The following CA5B variants were observed in gnomAD, a reference collection of about 807,000 sequenced individuals.
CA5B encodes carbonic anhydrase 5B.
A neutral mutation model predicts 23.1 loss-of-function variants in CA5B; 15 were observed. That is an observed-to-expected ratio of 0.65 (90% confidence interval 0.43 to 1.00). The LOEUF is 1.00. Among genes scored for constraint, CA5B ranks in the 50% least tolerant of loss-of-function variants. The pLI is 0.00. For synonymous variants in CA5B, 84 were observed against 98.5 expected (o/e 0.85, Z 0.87); for missense variants, 236 against 252.2 (o/e 0.94, Z 0.43).
chrX:15,777,110 G>A (rs1028634091), intron 7 of CA5B, among the ~76,000 whole-genome samples: 3 of 112,110 alleles, frequency 2.7e-5, no homozygotes, highest in African/African-American at 9.7e-5. Context: ...AATTACATAT[G>A]TCTTCTTATG....
intron 2 of CA5B, among the ~76,000 whole-genome samples, chrX:15,757,811 G>A (rs1467690162): frequency 9.0e-6 from 1 of 111,269 alleles, no homozygotes. Flanking sequence ...AAAGTACATA[G>A]GAACACCAGA....
intron 7 of CA5B, among the ~76,000 whole-genome samples, chrX:15,779,528 A>G (rs979103939): frequency 2.7e-5 from 3 of 112,370 alleles, no homozygotes; most frequent in African/African-American, 9.7e-5. Flanking sequence ...ACATATGAGA[A>G]TTTATTTTAT....
At chrX:15,771,025 C>T (rs1055866674) in intron 3 of CA5B, among the ~76,000 whole-genome samples, 2 of 107,151 alleles carry the variant, frequency 1.9e-5, no homozygotes, top group African/African-American at 6.8e-5. Flanking sequence ...GCCTCAGCCT[C>T]CCAAAGTGCT....
rs56915078 is a variant in CA5B, at chrX:15,759,734, C to CTTTTTTTT, written c.143-4819_143-4812dup. Among the ~76,000 whole-genome samples the CTTTTTTTT allele has an allele frequency of 4.0e-4, 15 of 37,415 alleles. 1 individual carries two copies. Among genetic ancestry groups the CTTTTTTTT allele is most frequent in the African/African-American group, 2.0e-3 (15 of 7,626 alleles). The allele number at this position is 37,415 out of a possible 115,157, so 32.5% of individuals were successfully genotyped here. On this transcript the variant is annotated intron_variant, in intron 2 of 7. Coordinates refer to ENST00000318636, the MANE Select transcript of CA5B (RefSeq NM_007220.4). ...CCCATCAGCTAGAAATTACTGACAC[C>CTTTTTTTT]TTTTTTTTTTTTTTTTTTTTTTTTT...
intron 3 of CA5B, among the ~76,000 whole-genome samples, chrX:15,770,908 C>T (rs1379305900): frequency 1.8e-5 from 2 of 109,885 alleles, no homozygotes; most frequent in Non-Finnish European, 3.8e-5. Context: ...GCTGGGACTA[C>T]AGGCACCCGC....
At chrX:15,778,874 CAGG>C (rs1931974934) in intron 7 of CA5B, among the ~76,000 whole-genome samples, 1 of 110,638 alleles carries the variant, frequency 9.0e-6, no homozygotes, top group South Asian at 3.8e-4. Context: ...TCCCCTGACA[CAGG>C]GGGATTACAA....
intron 1 of CA5B, among the ~76,000 whole-genome samples, chrX:15,748,399 G>T (rs754844173): frequency 9.0e-6 from 1 of 111,262 alleles, no homozygotes; most frequent in Non-Finnish European, 1.9e-5. Context: ...CTCACTATCT[G>T]CCTAAGTAAT....
Position 15,782,959 on chromosome X carries a change from G to T in CA5B, c.*295G>T. The T allele has an allele frequency of 4.4e-6, 1 of 225,368 alleles. No individual in the cohort carries two copies. Among genetic ancestry groups the T allele is most frequent in the Non-Finnish European group, 8.0e-6 (1 of 125,288 alleles). 18.6% of individuals were successfully genotyped at this position (225,368 alleles called of 1,213,427 possible). A position where few individuals can be genotyped will look rare whatever the true frequency, so the allele number is the denominator to read the frequency against. Reference sequence around the variant, plus strand: ...AGTGGCCAAATGATAGCTCACTGCAGCCTTGAACTCCTAGGCTCAAGCAGT... The same window carrying T: ...AGTGGCCAAATGATAGCTCACTGCATCCTTGAACTCCTAGGCTCAAGCAGT... On this transcript the variant is annotated 3_prime_UTR_variant, in exon 8 of 8. Transcript: ENST00000318636.
intron 2 of CA5B, among the ~76,000 whole-genome samples, chrX:15,758,896 G>A (rs957067520): frequency 4.5e-5 from 5 of 111,839 alleles, no homozygotes; most frequent in Non-Finnish European, 7.5e-5. Flanking sequence ...AGTATTAACC[G>A]AAAGCCAGCT....
In CA5B at chrX:15,783,964, T is replaced by C; in HGVS notation, c.*1300T>C. 1 of 98,400 alleles carries C rather than the reference T, an allele frequency of 1.0e-5. No individual in the cohort carries two copies. The highest frequency in any genetic ancestry group is 2.0e-5 in the Non-Finnish European group (1 of 49,211). 8.1% of individuals were successfully genotyped at this position (98,400 alleles called of 1,213,427 possible). On this transcript the variant is annotated 3_prime_UTR_variant, in exon 8 of 8. Coordinates refer to ENST00000318636, the MANE Select transcript of CA5B (RefSeq NM_007220.4). ...GTGCAGTGGCACTATCTTGGCTCAC[T>C]GCAACCTCCACCTCCCGGGTTTAAG...
chrX:15,763,164 C>T, intron 2 of CA5B: 1 of 161,864 alleles, frequency 6.2e-6, no homozygotes, highest in Middle Eastern at 2.3e-3. Flanking sequence ...GAACTCAACT[C>T]AGCACGCACA....
chrX:15,768,156 C>T (rs1349822054), intron 3 of CA5B, among the ~76,000 whole-genome samples: 1 of 110,663 alleles, frequency 9.0e-6, no homozygotes, highest in Non-Finnish European at 1.9e-5. Context: ...CTTGGCCTCC[C>T]AAAGTGCTGA....
At chrX:15,767,436 C>G (rs1222088691) in intron 3 of CA5B, among the ~76,000 whole-genome samples, 2 of 107,891 alleles carry the variant, frequency 1.9e-5, no homozygotes, top group African/African-American at 3.4e-5. Flanking sequence ...GAGTCTCGCT[C>G]TGTTGTCCAG....
At chrX:15,773,177 A>C (rs1185623440) in intron 4 of CA5B, among the ~76,000 whole-genome samples, 1 of 111,519 alleles carries the variant, frequency 9.0e-6, no homozygotes, top group Non-Finnish European at 1.9e-5. Context: ...ATTTCTTCTT[A>C]CAACTTTTTT....
intron 1 of CA5B, among the ~76,000 whole-genome samples, chrX:15,742,812 G>A (rs891174959): frequency 4.5e-5 from 5 of 112,301 alleles, no homozygotes; most frequent in African/African-American, 1.3e-4. Flanking sequence ...TTCCCCTCCC[G>A]CAGGGGACAT....
At chrX:15,771,843 C>T (rs1301619372) in intron 3 of CA5B, among the ~76,000 whole-genome samples, 1 of 109,664 alleles carries the variant, frequency 9.1e-6, no homozygotes, top group Admixed American at 9.8e-5. Context: ...ATGAAAATAT[C>T]CATCACCTCA....
chrX:15,746,218 TG>T (rs1931230766), intron 1 of CA5B, among the ~76,000 whole-genome samples: 1 of 108,972 alleles, frequency 9.2e-6, no homozygotes, highest in African/African-American at 3.3e-5. Context: ...GCTAATTTTT[TG>T]TATTTTTAGT....
At chrX:15,763,300 T>A (rs1215109077) in intron 2 of CA5B, among the ~76,000 whole-genome samples, 1 of 112,863 alleles carries the variant, frequency 8.9e-6, no homozygotes, top group Admixed American at 9.4e-5. Context: ...ATTTCCTTTT[T>A]TGAAAATAAA....
chrX:15,748,718 CCG>C (rs1287630466), intron 1 of CA5B, among the ~76,000 whole-genome samples: 11 of 76,203 alleles, frequency 1.4e-4, no homozygotes, highest in South Asian at 9.9e-4. Flanking sequence ...ACCCCCCCCC[CCG>C]CCCCCGCCAA....
Sources: allele counts gnomAD v4.1 joint callset (sites outside exome capture counted in the v4.1 genomes callset), GRCh38; gene constraint gnomAD v4.1.1; transcripts MANE v1.5; gene names NCBI Gene and HGNC (gene_info 2026-07-23, HGNC 2026-07-21).